AKR1B1: variants seen among roughly 807,000 people sequenced by gnomAD.
AKR1B1 encodes aldo-keto reductase family 1 member B, also known as aldo-keto reductase family 1 member B1.
In AKR1B1, 22 loss-of-function variants were observed where a neutral mutation model predicts 40.4. The ratio of observed to expected loss-of-function variants is 0.54; its 90% CI spans 0.39 to 0.78. The LOEUF is 0.78. AKR1B1 is among the 30% of genes least tolerant of loss of function. AKR1B1 has a pLI of 0.00. For missense variants in AKR1B1, 357 were observed against 396.7 expected, an observed-to-expected ratio of 0.90 and a Z score of 0.85; for synonymous variants, 157 against 149.9, an observed-to-expected ratio of 1.05 and a Z score of -0.35.
chr7:134,453,028 AAC>A (rs1003072813), intron 1 of AKR1B1, among the ~76,000 whole-genome samples: 15 of 152,206 alleles, frequency 9.9e-5, no homozygotes, highest in Admixed American at 8.5e-4. Flanking sequence ...CGGTTGAAGG[AAC>A]AGAGAATCTC....
At chr7:134,446,137 G>A (rs1005618084) in intron 8 of AKR1B1, among the ~76,000 whole-genome samples, 2 of 152,230 alleles carry the variant, frequency 1.3e-5, no homozygotes, top group African/African-American at 4.8e-5. Flanking sequence ...TTTGAGATTA[G>A]TCATTTATTT....
chr7:134,459,047 G>A lies in AKR1B1; in HGVS notation c.16C>T (p.Leu6=), dbSNP rs369925309. Residue 6 remains leucine, a synonymous_variant, in exon 1 of 10, where the codon CTG becomes TTG. Coordinates refer to ENST00000285930, the MANE Select transcript of AKR1B1 (RefSeq NM_001628.4). The part of the protein sequence containing the change: MASRL[L]LNNGAKMPIL... ...GGCATCTTGGCGCCGTTGTTGAGCA[G>A]GAGACGGCTTGCCATGGCTGCTGCG... 32 of 1,606,976 alleles carry A rather than the reference G, an allele frequency of 2.0e-5. No homozygotes were observed. The African/African-American group carries it at 4.1e-4, about 21-fold the overall frequency.
intron 5 of AKR1B1, 109 bp from the exon 6 acceptor site, chr7:134,448,602 T>G: frequency 1.2e-6 from 1 of 832,020 alleles, no homozygotes; most frequent in Non-Finnish European, 2.1e-6. Flanking sequence ...CAGAAAACTA[T>G]GTATAACAAA....
At chr7:134,458,877 T>C in intron 1 of AKR1B1, 120 bp downstream of exon 1, 1 of 1,207,816 alleles carries the variant, frequency 8.3e-7, no homozygotes, top group Non-Finnish European at 1.2e-6. Flanking sequence ...CGCGCGTGGC[T>C]CCCAGCACGC....
rs370691275 is a variant in AKR1B1, at chr7:134,448,925, C to T, written c.552+72G>A. On this transcript the variant is annotated intron_variant, in intron 5 of 9. Transcript: ENST00000285930. The stretch of plus-strand genomic sequence containing the variant: ...CTGGCCACTTGCTGGGTGAGGTGGA[C>T]GAGAAATCCCTACCAGCATCAGACA... 47 of 1,602,098 alleles carry T rather than the reference C, an allele frequency of 2.9e-5. 1 individual carries two copies. The South Asian group carries it at 3.2e-4, about 11-fold the overall frequency.
chr7:134,457,670 T>C (rs1806513027), intron 1 of AKR1B1, among the ~76,000 whole-genome samples: 3 of 152,176 alleles, frequency 2.0e-5, no homozygotes, highest in Admixed American at 6.5e-5. Context: ...CTTGTCTGTG[T>C]GTAAATATCC....
In AKR1B1 at chr7:134,447,581, T is replaced by C. The variant is rs1585709878; in HGVS notation, c.742-200A>G. ...CAGATCTGACTCCAGAGTCCTGCGCTAGCCACTGTGCCACACGCTTCAGTG... is the reference window on the plus strand; with the variant it reads ...CAGATCTGACTCCAGAGTCCTGCGCCAGCCACTGTGCCACACGCTTCAGTG... On this transcript the variant is annotated intron_variant, in intron 7 of 9. Coordinates refer to ENST00000285930, the MANE Select transcript of AKR1B1 (RefSeq NM_001628.4). 3.8e-5 allele frequency: 25 copies of C among 662,234 alleles called. No homozygotes were observed. In the South Asian group the frequency reaches 3.8e-4, roughly 10 times the overall value. 41.0% of individuals were successfully genotyped at this position (662,234 alleles called of 1,614,324 possible). A position where few individuals can be genotyped will look rare whatever the true frequency, so the allele number is the denominator to read the frequency against.
At position 134,458,858 on chromosome 7, in the gene AKR1B1, C is replaced by G. The variant is rs577066555; in HGVS notation, c.66+139G>C. On this transcript the variant is annotated intron_variant, in intron 1 of 9. Coordinates refer to ENST00000285930, the MANE Select transcript of AKR1B1 (RefSeq NM_001628.4). ...GGCCGACCCCAGCCCGCTGGGGACC[C>G]TGCAAGCCCGCGCGTGGCTCCCAGC... 6.3e-4 allele frequency: 638 copies of G among 1,015,416 alleles called. 8 individuals carry two copies. In the South Asian group the frequency reaches 8.9e-3, roughly 14 times the overall value. The allele number at this position is 1,015,416 out of a possible 1,614,324, so 62.9% of individuals were successfully genotyped here.
At chr7:134,444,736 G>A in intron 9 of AKR1B1, 1 of 194,278 alleles carries the variant, frequency 5.1e-6, no homozygotes. Flanking sequence ...ACCAGAGGAT[G>A]TGTGGCTGGA....
chr7:134,451,407 A>T, intron 2 of AKR1B1, 179 bp downstream of exon 2: 1 of 745,976 alleles, frequency 1.3e-6, no homozygotes, highest in Non-Finnish European at 2.3e-6. Flanking sequence ...ACCATTCAAC[A>T]GAGAGCCAAG....
intron 1 of AKR1B1, among the ~76,000 whole-genome samples, chr7:134,452,780 G>A (rs955726773): frequency 1.3e-5 from 2 of 152,188 alleles, no homozygotes; most frequent in Admixed American, 6.5e-5. Flanking sequence ...AGACATCTGT[G>A]TTTTGACATC....
chr7:134,457,135 C>CAAAA (rs11417418), intron 1 of AKR1B1, among the ~76,000 whole-genome samples: 1 of 138,032 alleles, frequency 7.2e-6, no homozygotes, highest in Non-Finnish European at 1.6e-5. Flanking sequence ...GCCCCTGTCT[C>CAAAA]AAAAAAAAAA....
In AKR1B1 at chr7:134,455,325, A is replaced by AG. The variant is rs770622629; in HGVS notation, c.67-3573dup. Among the ~76,000 whole-genome samples, 6 of 152,152 alleles carry AG rather than the reference A, an allele frequency of 3.9e-5. 1 individual carries two copies. The highest frequency in any genetic ancestry group is 1.5e-5 in the Non-Finnish European group (1 of 68,010). ...TTACAATTTTATTTTGGGGCAAATTAGGGGAAAAAAAAGTCTCACAAGGCT... is the reference window on the plus strand; with the variant it reads ...TTACAATTTTATTTTGGGGCAAATTAGGGGGAAAAAAAAGTCTCACAAGGCT... On this transcript the variant is annotated intron_variant, in intron 1 of 9. Transcript: ENST00000285930.
intron 5 of AKR1B1, 133 bp downstream of exon 5, chr7:134,448,864 T>C (rs1585711335): frequency 2.8e-6 from 3 of 1,088,346 alleles, no homozygotes; most frequent in East Asian, 2.4e-5. Flanking sequence ...TGCTGAATCA[T>C]AACTCAGGAC....
chr7:134,445,713 G>A (rs2734658), intron 8 of AKR1B1, among the ~76,000 whole-genome samples: 1 of 152,204 alleles, frequency 6.6e-6, no homozygotes, highest in Non-Finnish European at 1.5e-5. Flanking sequence ...ATCACACACT[G>A]TATAAGACAC....
rs768694103 is a variant in AKR1B1 at position 134,451,569 on chromosome 7, C to T, written c.234+17G>A. On this transcript the variant is annotated intron_variant, in intron 2 of 9. Coordinates refer to ENST00000285930, the MANE Select transcript of AKR1B1 (RefSeq NM_001628.4). ...ATGGGACCGAGAGCCCCTTCCAGCC[C>T]CACCGCGGAACGATACCTTGCTGAC... The T allele has an allele frequency of 6.2e-7, 1 of 1,613,160 alleles. No individual in the cohort carries two copies. The highest frequency in any genetic ancestry group is 1.1e-5 in the South Asian group (1 of 91,008).
chr7:134,448,664 C>T (rs778806318), intron 5 of AKR1B1, among the ~76,000 whole-genome samples, 171 bp from the exon 6 acceptor site: 2 of 152,108 alleles, frequency 1.3e-5, no homozygotes, highest in Non-Finnish European at 2.9e-5. Context: ...AGGTAGTATC[C>T]TTGGTGTTAT....
chr7:134,445,273 G>C lies in AKR1B1; in HGVS notation c.873C>G (p.Ser291Arg). 2 of 1,612,934 alleles carry C rather than the reference G, an allele frequency of 1.2e-6. No individual in the cohort carries two copies. Among genetic ancestry groups the C allele is most frequent in the South Asian group, 2.2e-5 (2 of 90,692 alleles). ...CACAGACCCTCCAGTTCCTGTTGTA[G>C]CTGAGTAAGGTGGTCATATCCTGGC... ...LSSQDMTTLLSYNRNWRVCAL... is the reference protein window; with the variant it reads ...LSSQDMTTLLRYNRNWRVCAL... The change falls in exon 9 of 10, where the codon AGC becomes AGG. Residue 291 changes from serine to arginine, a missense_variant. Coordinates refer to ENST00000285930, the MANE Select transcript of AKR1B1 (RefSeq NM_001628.4).
chr7:134,443,523 T>G lies in AKR1B1; in HGVS notation c.909-753A>C, dbSNP rs545018362. Among the ~76,000 whole-genome samples the G allele has an allele frequency of 5.3e-5, 8 of 152,118 alleles. No homozygotes were observed. In the East Asian group the frequency reaches 1.5e-3, roughly 29 times the overall value. On this transcript the variant is annotated intron_variant, in intron 9 of 9. Coordinates refer to ENST00000285930, the MANE Select transcript of AKR1B1 (RefSeq NM_001628.4). ...GGAGCCTCCTTGTATCAGTGGGGGC[T>G]GAAGTGAGCCCAATCAACGGTCGGC...
Sources: gnomAD v4.1 joint callset for allele counts (sites outside exome capture counted in the v4.1 genomes callset) on GRCh38, gnomAD v4.1.1 for gene constraint, MANE v1.5 for transcripts, NCBI Gene and HGNC (gene_info 2026-07-23, HGNC 2026-07-21) for gene names.